MAGI1: variants seen among roughly 807,000 people sequenced by gnomAD.
The protein encoded by MAGI1 is membrane associated guanylate kinase, WW and PDZ domain containing 1.
A neutral mutation model predicts 139.9 loss-of-function variants in MAGI1; 58 were observed. The ratio of observed to expected loss-of-function variants is 0.41; its 90% confidence interval spans 0.34 to 0.52. The LOEUF (loss-of-function observed/expected upper bound fraction) is 0.52. Ranked by LOEUF, MAGI1 falls within the 20% of genes least tolerant of loss-of-function variation. The probability of loss-of-function intolerance (pLI) is 0.12; values close to 1 mark genes in which losing one functional copy is unlikely to be tolerated. For missense variants in MAGI1, 1,874 were observed against 1,901.6 expected (o/e 0.99, Z 0.27); for synonymous variants, 812 against 737.9 (o/e 1.10, Z -1.63).
At chr3:65,618,264 G>C (rs1343620621) in intron 2 of MAGI1, among the ~76,000 whole-genome samples, 4 of 152,174 alleles carry the variant, frequency 2.6e-5, no homozygotes, top group African/African-American at 9.7e-5. Flanking sequence ...ATATTAGCCA[G>C]ATGGTTCTGA....
intron 2 of MAGI1, among the ~76,000 whole-genome samples, chr3:65,501,682 G>A (rs931618145): frequency 1.3e-5 from 2 of 152,004 alleles, no homozygotes; most frequent in Non-Finnish European, 2.9e-5. Flanking sequence ...TTTCTCATAT[G>A]ACCTAACAAT....
chr3:65,773,182 A>G (rs1180628617), intron 1 of MAGI1, among the ~76,000 whole-genome samples: 1 of 152,182 alleles, frequency 6.6e-6, no homozygotes, highest in African/African-American at 2.4e-5. Context: ...CTGAATCACT[A>G]TGATGTAGGA....
intron 2 of MAGI1, among the ~76,000 whole-genome samples, chr3:65,504,346 C>T (rs1258823438): frequency 3.9e-5 from 6 of 152,162 alleles, no homozygotes; most frequent in Non-Finnish European, 7.4e-5. Flanking sequence ...TTTAGGCCAA[C>T]GTCTATTCTT....
intron 2 of MAGI1, among the ~76,000 whole-genome samples, chr3:65,548,050 C>G (rs2079587713): frequency 6.6e-6 from 1 of 152,160 alleles, no homozygotes; most frequent in South Asian, 2.1e-4. Flanking sequence ...CTCCAATAAC[C>G]TCCTGCAACC....
chr3:65,379,933 C>A (rs1252772608), intron 16 of MAGI1, among the ~76,000 whole-genome samples: 1 of 152,216 alleles, frequency 6.6e-6, no homozygotes, highest in East Asian at 1.9e-4. Context: ...CCGTGAAGAC[C>A]GCCATCTTGG....
chr3:65,778,383 T>C (rs574423567), intron 1 of MAGI1, among the ~76,000 whole-genome samples: 5 of 140,530 alleles, frequency 3.6e-5, no homozygotes, highest in Admixed American at 1.6e-4. Flanking sequence ...TGGGCCAAGA[T>C]AGTGCCATTG....
At chr3:65,943,417 T>C (rs1366739583) in intron 1 of MAGI1, among the ~76,000 whole-genome samples, 1 of 151,834 alleles carries the variant, frequency 6.6e-6, no homozygotes, top group East Asian at 1.9e-4. Context: ...CTACTAAAAA[T>C]ACAAAAAATT....
intron 1 of MAGI1, among the ~76,000 whole-genome samples, chr3:65,980,866 T>C (rs2065536872): frequency 6.6e-6 from 1 of 152,056 alleles, no homozygotes; most frequent in African/African-American, 2.4e-5. Flanking sequence ...GAATTAGAAA[T>C]TTAATTTCCC....
intron 2 of MAGI1, among the ~76,000 whole-genome samples, chr3:65,498,342 T>C (rs370158986): frequency 2.0e-5 from 3 of 151,436 alleles, no homozygotes; most frequent in African/African-American, 7.3e-5. Context: ...CCTACAATAC[T>C]GCCTTCTCTT....
Position 65,448,048 on chromosome 3 carries a change from T to G in MAGI1, c.1052A>C (p.His351Pro). The change falls in exon 7 of 23, where the codon CAC (histidine) becomes CCC (proline). Residue 351 changes from histidine (H) to proline (P), a missense_variant. Physicochemically the swap from His to Pro is moderately conservative, Grantham distance 77 (BLOSUM62 -2). Around this residue, in one of 5 missense-constraint regions of MAGI1, gnomAD observed 648 missense variants for 598.1 expected, o/e 1.08. Coordinates refer to ENST00000402939, the MANE Select transcript of MAGI1 (RefSeq NM_001033057.2). ...LEECEDDEGV[H>P]TEELDSELEL... ...TAGTTCACTGTCCAGCTCCTCGGTG[T>G]GTACCCCTTCTTCTCCAAAGGAATA... The G allele has an allele frequency of 6.2e-7, 1 of 1,614,056 alleles. No individual in the cohort carries two copies. Among genetic ancestry groups the G allele is most frequent in the Non-Finnish European group, 8.5e-7 (1 of 1,179,972 alleles).
At chr3:65,786,796 T>C (rs944394188) in intron 1 of MAGI1, among the ~76,000 whole-genome samples, 3 of 151,918 alleles carry the variant, frequency 2.0e-5, no homozygotes, top group Admixed American at 6.6e-5. Context: ...TTTGTATTTT[T>C]AGTAGAGACG....
At chr3:65,985,777 C>A (rs974795563) in intron 1 of MAGI1, among the ~76,000 whole-genome samples, 1 of 152,034 alleles carries the variant, frequency 6.6e-6, no homozygotes, top group Non-Finnish European at 1.5e-5. Flanking sequence ...TGGGATAGAC[C>A]CAGTTTGGCT....
intron 1 of MAGI1, among the ~76,000 whole-genome samples, chr3:65,672,540 G>A (rs1428576337): frequency 6.6e-6 from 1 of 152,140 alleles, no homozygotes; most frequent in Non-Finnish European, 1.5e-5. Context: ...GCCTGGGGTT[G>A]TTAAAGTAAA....
rs551026982 is a variant in MAGI1 at position 65,997,896 on chromosome 3, T to G, written c.313+40100A>C. 3.8e-3 allele frequency among the ~76,000 whole-genome samples: 581 copies of G among 152,090 alleles called. 2 individuals are homozygous for G. Among genetic ancestry groups the G allele is most frequent in the Non-Finnish European group, 5.8e-3 (396 of 67,966 alleles). ...GTTGTTGGCTGGGTGTGGTGGCTCCTGCCTGTAATCCCAGCAGTTTGAGAG... is the reference window on the plus strand; with the variant it reads ...GTTGTTGGCTGGGTGTGGTGGCTCCGGCCTGTAATCCCAGCAGTTTGAGAG... On this transcript the variant is annotated intron_variant, in intron 1 of 22. Transcript: ENST00000402939.
chr3:65,558,131 A>T (rs1268080111), intron 2 of MAGI1, among the ~76,000 whole-genome samples: 1 of 152,194 alleles, frequency 6.6e-6, no homozygotes, highest in Non-Finnish European at 1.5e-5. Context: ...GATAATTATC[A>T]TCATTCTCAT....
At chr3:65,980,518 G>A (rs558502248) in intron 1 of MAGI1, among the ~76,000 whole-genome samples, 2 of 146,092 alleles carry the variant, frequency 1.4e-5, no homozygotes, top group East Asian at 4.1e-4. Flanking sequence ...AGCCAAGATC[G>A]CCCTACTGTG....
intron 1 of MAGI1, among the ~76,000 whole-genome samples, chr3:65,976,361 G>T (rs1560073463): frequency 6.6e-6 from 1 of 152,172 alleles, no homozygotes; most frequent in South Asian, 2.1e-4. Context: ...AGGCATGGTG[G>T]CTCATGCCTG....
chr3:65,409,570 A>G (rs758199713), intron 12 of MAGI1, among the ~76,000 whole-genome samples: 3 of 152,196 alleles, frequency 2.0e-5, no homozygotes, highest in Non-Finnish European at 4.4e-5. Context: ...TATAAACACT[A>G]TATATCACAA....
chr3:66,025,298 G>C (rs951394865), intron 1 of MAGI1, among the ~76,000 whole-genome samples: 18 of 152,152 alleles, frequency 1.2e-4, no homozygotes, highest in Admixed American at 1.1e-3. Context: ...CAGCACTTTG[G>C]GAGGCCAAGG....
Sources: allele counts gnomAD v4.1 joint callset (sites outside exome capture counted in the v4.1 genomes callset), GRCh38; gene constraint gnomAD v4.1.1; regional missense constraint gnomAD v4.1.1; transcripts MANE v1.5; gene names NCBI Gene and HGNC (gene_info 2026-07-23, HGNC 2026-07-21).